RNF220: variants seen among roughly 807,000 people sequenced by gnomAD.
RNF220 encodes E3 ubiquitin-protein ligase RNF220.
Under a neutral mutation model 67.1 loss-of-function variants are expected in RNF220, and 7 were observed. The ratio of observed to expected loss-of-function variants is 0.10; its 90% CI spans 0.06 to 0.20. RNF220 has a LOEUF of 0.20. Ranked by LOEUF, RNF220 falls within the 10% of genes least tolerant of loss-of-function variation. The pLI is 1.00. For missense variants in RNF220, 565 were observed against 740.3 expected (o/e 0.76, Z 2.75); for synonymous variants, 270 against 283.2 (o/e 0.95, Z 0.47).
intron 12 of RNF220, among the ~76,000 whole-genome samples, chr1:44,647,186 G>T (rs1644676047): frequency 6.6e-6 from 1 of 152,200 alleles, no homozygotes; most frequent in African/African-American, 2.4e-5. Flanking sequence ...CTAGTTCTCT[G>T]ATTTGGGGTT....
At chr1:44,462,522 G>A (rs1461387988) in intron 2 of RNF220, among the ~76,000 whole-genome samples, 1 of 152,154 alleles carries the variant, frequency 6.6e-6, no homozygotes, top group Non-Finnish European at 1.5e-5. Flanking sequence ...CTTGATAGAG[G>A]TTTCCCCAAA....
At chr1:44,592,209 C>G (rs562052060) in intron 2 of RNF220, among the ~76,000 whole-genome samples, 1 of 152,218 alleles carries the variant, frequency 6.6e-6, no homozygotes, top group Non-Finnish European at 1.5e-5. Context: ...TATACTTCCC[C>G]GAATTCCTTC....
At chr1:44,413,282 T>C (rs1452788019) in intron 2 of RNF220, among the ~76,000 whole-genome samples, 1 of 152,170 alleles carries the variant, frequency 6.6e-6, no homozygotes, top group Non-Finnish European at 1.5e-5. Flanking sequence ...CACAGCTGTG[T>C]TTTCCTTGCG....
intron 2 of RNF220, chr1:44,419,328 C>A (rs1233237260): frequency 6.6e-6 from 1 of 152,082 alleles, no homozygotes; most frequent in Non-Finnish European, 1.5e-5. Flanking sequence ...TGCGAAAGAA[C>A]CTTCTTACAC....
At chr1:44,443,042 C>T (rs960684871) in intron 2 of RNF220, among the ~76,000 whole-genome samples, 1 of 152,158 alleles carries the variant, frequency 6.6e-6, no homozygotes, top group South Asian at 2.1e-4. Flanking sequence ...CACATTGAAC[C>T]ATTTCACAAT....
Position 44,438,166 on chromosome 1 carries a change from G to A in RNF220, c.625+25444G>A, listed in dbSNP as rs138908809. Among the ~76,000 whole-genome samples the A allele has an allele frequency of 3.3e-4, 50 of 152,214 alleles. 1 individual carries two copies. The East Asian group carries it at 9.4e-3, about 29-fold the overall frequency. ...GACAGCATTTTGCTCAGTCACCCAGGCTGGAGTGCAGTGTTGTGATTGTGG... is the reference window on the plus strand; with the variant it reads ...GACAGCATTTTGCTCAGTCACCCAGACTGGAGTGCAGTGTTGTGATTGTGG... On this transcript the variant is annotated intron_variant, in intron 2 of 14. Transcript: ENST00000361799.
At chr1:44,589,885 G>A (rs1160734163) in intron 2 of RNF220, among the ~76,000 whole-genome samples, 1 of 152,136 alleles carries the variant, frequency 6.6e-6, no homozygotes, top group Non-Finnish European at 1.5e-5. Context: ...GTGGTCTGGG[G>A]GTATGAGGCA....
intron 2 of RNF220, among the ~76,000 whole-genome samples, chr1:44,605,949 C>T (rs992924112): frequency 6.6e-6 from 1 of 152,226 alleles, no homozygotes; most frequent in East Asian, 1.9e-4. Context: ...GTTCCCAGGA[C>T]ATCCCTGGGC....
At chr1:44,501,065 TGG>T (rs1255510184) in intron 2 of RNF220, among the ~76,000 whole-genome samples, 1 of 56,234 alleles carries the variant, frequency 1.8e-5, no homozygotes, top group Non-Finnish European at 3.5e-5. Context: ...GGGGTGGGGG[TGG>T]GGGTATCGGG....
intron 4 of RNF220, 136 bp from the exon 5 acceptor site, chr1:44,626,161 T>G: frequency 1.5e-6 from 1 of 656,924 alleles, no homozygotes; most frequent in Non-Finnish European, 2.7e-6. Flanking sequence ...GCCTTTAGAA[T>G]CTCAAGAGTG....
At chr1:44,427,679 G>A (rs759916283) in intron 2 of RNF220, among the ~76,000 whole-genome samples, 2 of 152,206 alleles carry the variant, frequency 1.3e-5, no homozygotes, top group African/African-American at 4.8e-5. Flanking sequence ...TCTGTGAGAC[G>A]AGACAGATGC....
chr1:44,430,614 C>T (rs569094192), intron 2 of RNF220, among the ~76,000 whole-genome samples: 100 of 152,218 alleles, frequency 6.6e-4, no homozygotes, highest in African/African-American at 2.2e-3. Context: ...GGCATGATCT[C>T]GGCTCACTGC....
chr1:44,632,434 T>G, intron 6 of RNF220, 49 bp downstream of exon 6: 1 of 978,300 alleles, frequency 1.0e-6, no homozygotes, highest in Non-Finnish European at 1.3e-6. Flanking sequence ...GCCTCCTCCC[T>G]CCCTCCCTCA....
At chr1:44,627,912 C>CCAGCA (rs1557454351) in intron 5 of RNF220, among the ~76,000 whole-genome samples, 1 of 152,244 alleles carries the variant, frequency 6.6e-6, no homozygotes, top group Non-Finnish European at 1.5e-5. Context: ...AGTAGAGTGC[C>CCAGCA]CAGCACGGCT....
chr1:44,453,631 T>C (rs151146244), intron 2 of RNF220, among the ~76,000 whole-genome samples: 7 of 152,160 alleles, frequency 4.6e-5, no homozygotes, highest in Non-Finnish European at 1.5e-5. Context: ...TACAGAACCA[T>C]CCCCTGCATT....
intron 2 of RNF220, among the ~76,000 whole-genome samples, chr1:44,500,159 A>G (rs1300234850): frequency 1.3e-5 from 2 of 152,170 alleles, no homozygotes; most frequent in African/African-American, 4.8e-5. Flanking sequence ...TCAAAGTAAG[A>G]TCCAAACCTC....
chr1:44,508,074 G>C (rs562637721), intron 2 of RNF220, among the ~76,000 whole-genome samples: 2 of 152,128 alleles, frequency 1.3e-5, no homozygotes, highest in South Asian at 2.1e-4. Flanking sequence ...CTCTTGTTTG[G>C]GGGTGGGCGT....
intron 6 of RNF220, among the ~76,000 whole-genome samples, chr1:44,634,326 G>A (rs1259006766): frequency 6.6e-6 from 1 of 152,218 alleles, no homozygotes; most frequent in African/African-American, 2.4e-5. Context: ...TAAGCTTTGG[G>A]TTTCTTCATC....
At chr1:44,589,342 T>C (rs566896224) in intron 2 of RNF220, among the ~76,000 whole-genome samples, 88 of 152,198 alleles carry the variant, frequency 5.8e-4, no homozygotes, top group Middle Eastern at 3.4e-3. Context: ...TGGCCGGGCG[T>C]GGTGGCTCAC....
Sources: gnomAD v4.1 joint callset for allele counts (sites outside exome capture counted in the v4.1 genomes callset) on GRCh38, gnomAD v4.1.1 for gene constraint, MANE v1.5 for transcripts, NCBI Gene and HGNC (gene_info 2026-07-23, HGNC 2026-07-21) for gene names.